Variants in EWSR1 observed in about 807,000 individuals in gnomAD.
The protein encoded by EWSR1 is RNA-binding protein EWS.
Under a neutral mutation model 92.1 loss-of-function variants are expected in EWSR1, and 14 were observed. The ratio of observed to expected loss-of-function variants is 0.15; its 90% CI spans 0.10 to 0.24. The LOEUF is 0.24. Ranked by LOEUF, EWSR1 falls within the 10% of genes least tolerant of loss-of-function variation. EWSR1 has a pLI of 1.00. For missense variants in EWSR1, 637 were observed against 870.9 expected (o/e 0.73, Z 3.38); for synonymous variants, 303 against 292.9 (o/e 1.03, Z -0.35).
At chr22:29,273,478 C>T (rs972222283) in intron 3 of EWSR1, among the ~76,000 whole-genome samples, 27 of 152,050 alleles carry the variant, frequency 1.8e-4, no homozygotes, top group Non-Finnish European at 1.5e-4. Context: ...TTTTTTTCCC[C>T]CTTTTGAGAA....
In EWSR1 at chr22:29,300,318, T is replaced by TAAAACAAGTTA. The variant is rs2061251272; in HGVS notation, c.*160_*170dup. On this transcript the variant is annotated 3_prime_UTR_variant, in exon 17 of 17. Coordinates refer to ENST00000397938, the MANE Select transcript of EWSR1 (RefSeq NM_005243.4). Reference sequence around the variant, plus strand: ...TTTTTCACCATTTGTGAAGAAACATTAAAACAAGTTAAATGGTAGTGTGCG... The same window carrying TAAAACAAGTTA: ...TTTTTCACCATTTGTGAAGAAACATTAAAACAAGTTAAAAACAAGTTAAATGGTAGTGTGCG... 1.4e-6 allele frequency: 1 copy of TAAAACAAGTTA among 723,212 alleles called. No homozygotes were observed. 44.8% of individuals were successfully genotyped at this position (723,212 alleles called of 1,614,324 possible).
rs749508131 is a variant in EWSR1, at chr22:29,297,876, G to T, written c.1344G>T (p.Lys448Asn). 1.1e-5 allele frequency: 18 copies of T among 1,614,112 alleles called. No homozygotes were observed. The highest frequency in any genetic ancestry group is 1.5e-5 in the Non-Finnish European group (18 of 1,180,002). The change falls in exon 13 of 17, where the codon AAG becomes AAT. Residue 448 changes from lysine to asparagine, a missense_variant. By Grantham distance (94) the Lys-to-Asn change is moderately conservative. Transcript: ENST00000397938. ...TTAAAGTCTCCCTTGCTCGGAAGAA[G>T]CCTCCAATGAACAGTATGCGGGGTG... ...SKLKVSLARKKPPMNSMRGGL... is the reference protein window; with the variant it reads ...SKLKVSLARKNPPMNSMRGGL...
intron 10 of EWSR1, 83 bp downstream of exon 10, chr22:29,292,252 G>A (rs2060495110): frequency 1.5e-6 from 2 of 1,331,064 alleles, no homozygotes; most frequent in Non-Finnish European, 1.1e-6. Context: ...GAGTTCAGCA[G>A]CCTTATAGAC....
intron 4 of EWSR1, chr22:29,274,478 GTTTT>G: frequency 1.8e-6 from 1 of 541,058 alleles, no homozygotes; most frequent in Non-Finnish European, 3.3e-6. Flanking sequence ...TTTGGGAAAG[GTTTT>G]TTTATTTAAT....
intron 11 of EWSR1, chr22:29,295,650 A>G (rs1348248956): frequency 1.8e-5 from 4 of 223,724 alleles, no homozygotes; most frequent in Non-Finnish European, 3.6e-5. Flanking sequence ...ACAATTACAG[A>G]CTAAACTGAT....
chr22:29,279,606 A>G (rs1434421926), intron 5 of EWSR1, among the ~76,000 whole-genome samples: 1 of 152,238 alleles, frequency 6.6e-6, no homozygotes, highest in African/African-American at 2.4e-5. Context: ...TTGAAAGGAC[A>G]TTGAATTCTG....
At chr22:29,289,422 T>A (rs2060282594) in intron 8 of EWSR1, 1 of 231,738 alleles carries the variant, frequency 4.3e-6, no homozygotes, top group African/African-American at 2.2e-5. Flanking sequence ...TTTGACCATT[T>A]TGATTGATGG....
At chr22:29,270,871 T>G (rs532436859) in intron 1 of EWSR1, among the ~76,000 whole-genome samples, 10 of 152,356 alleles carry the variant, frequency 6.6e-5, no homozygotes, top group Admixed American at 2.6e-4. Context: ...CCTTTAAGAT[T>G]GTCATGAACA....
At chr22:29,278,831 A>T (rs2059330608) in intron 5 of EWSR1, among the ~76,000 whole-genome samples, 1 of 151,210 alleles carries the variant, frequency 6.6e-6, no homozygotes, top group African/African-American at 2.4e-5. Flanking sequence ...TCTCAAAAAA[A>T]AAAAAATAGA....
chr22:29,292,658 T>TGTGG, intron 11 of EWSR1, 52 bp downstream of exon 11: 1 of 1,190,070 alleles, frequency 8.4e-7, no homozygotes, highest in Non-Finnish European at 1.2e-6. Context: ...CCACAGAGCA[T>TGTGG]TTTAAAGAGA....
intron 8 of EWSR1, chr22:29,289,528 TC>T: frequency 4.3e-6 from 1 of 232,450 alleles, no homozygotes; most frequent in East Asian, 6.1e-5. Flanking sequence ...CTTTTCCCTA[TC>T]TGGTGTCTGT....
At chr22:29,270,024 C>T (rs1373895774) in intron 1 of EWSR1, among the ~76,000 whole-genome samples, 1 of 152,168 alleles carries the variant, frequency 6.6e-6, no homozygotes, top group Non-Finnish European at 1.5e-5. Context: ...AGTTTCCTTT[C>T]CTGTAAAATA....
chr22:29,288,055 G>C (rs1331326227), intron 7 of EWSR1, among the ~76,000 whole-genome samples: 1 of 152,138 alleles, frequency 6.6e-6, no homozygotes, highest in East Asian at 1.9e-4. Flanking sequence ...AAAAGGAAAG[G>C]GGGAAAAATA....
At chr22:29,294,869 C>A (rs71329468) in intron 11 of EWSR1, among the ~76,000 whole-genome samples, 1 of 150,320 alleles carries the variant, frequency 6.7e-6, no homozygotes, top group Non-Finnish European at 1.5e-5. Context: ...GCTGAGATGG[C>A]GCCACTGCAC....
intron 5 of EWSR1, 114 bp from the exon 6 acceptor site, chr22:29,282,276 C>T: frequency 5.2e-6 from 4 of 775,670 alleles, no homozygotes; most frequent in Non-Finnish European, 8.0e-6. Context: ...CAGGCTTAAT[C>T]ATAACATTGC....
chr22:29,282,241 T>C, intron 5 of EWSR1, 149 bp from the exon 6 acceptor site: 1 of 629,968 alleles, frequency 1.6e-6, no homozygotes. Flanking sequence ...TACTTTAGGA[T>C]TGTATTTATT....
At chr22:29,292,057 A>G (rs2060479031) in intron 9 of EWSR1, 80 bp from the exon 10 acceptor site, 1 of 1,217,716 alleles carries the variant, frequency 8.2e-7, no homozygotes, top group African/African-American at 1.5e-5. Flanking sequence ...GGTATAGTAG[A>G]TAGCTATGTG....
chr22:29,287,160 A>G, intron 7 of EWSR1, 26 bp downstream of exon 7: 1 of 1,602,534 alleles, frequency 6.2e-7, no homozygotes, highest in South Asian at 1.1e-5. Flanking sequence ...AGAAAACCAA[A>G]TAAGAATGAA....
rs555482723 is a variant in EWSR1 at position 29,289,631 on chromosome 22, GA to G, written c.974+855del. 4.8e-4 allele frequency: 106 copies of G among 218,580 alleles called. 1 individual carries two copies. The highest frequency in any genetic ancestry group is 7.8e-4 in the East Asian group (12 of 15,306). The allele number at this position is 218,580 out of a possible 1,614,324, so 13.5% of individuals were successfully genotyped here. A position where few individuals can be genotyped will look rare whatever the true frequency, so the allele number is the denominator to read the frequency against. ...TTCTGTCCCTATATAAACTGGTAAAGAAAAAAAAAAGTTATGCAGAATGTTA... is the reference window on the plus strand; with the variant it reads ...TTCTGTCCCTATATAAACTGGTAAAGAAAAAAAAAGTTATGCAGAATGTTA... On this transcript the variant is annotated intron_variant, in intron 8 of 16. Transcript: ENST00000397938.
Sources: gnomAD v4.1 joint callset for allele counts (sites outside exome capture counted in the v4.1 genomes callset) on GRCh38, gnomAD v4.1.1 for gene constraint, MANE v1.5 for transcripts, NCBI Gene and HGNC (gene_info 2026-07-23, HGNC 2026-07-21) for gene names.